Variants in SLC14A2 observed in about 807,000 individuals in gnomAD.
The protein encoded by SLC14A2 is urea transporter 2.
A neutral mutation model predicts 104.6 loss-of-function variants in SLC14A2; 91 were observed. The ratio of observed to expected loss-of-function variants is 0.87; its 90% confidence interval spans 0.73 to 1.04. SLC14A2 has a LOEUF of 1.04. SLC14A2 is among the 50% of genes least tolerant of loss of function. The pLI is 0.00. For synonymous variants in SLC14A2, 476 were observed against 466.4 expected (o/e 1.02, Z -0.27); for missense variants, 1,189 against 1,156.0 (o/e 1.03, Z -0.41).
intron 1 of SLC14A2, among the ~76,000 whole-genome samples, chr18:45,458,012 A>G (rs1356241975): frequency 7.9e-4 from 121 of 152,266 alleles, no homozygotes; most frequent in Non-Finnish European, 1.5e-5. Context: ...TCGTAGGAGA[A>G]TGGTGTTGGA....
intron 1 of SLC14A2, among the ~76,000 whole-genome samples, chr18:45,213,378 T>G (rs1283677610): frequency 6.6e-6 from 1 of 152,188 alleles, no homozygotes; most frequent in African/African-American, 2.4e-5. Flanking sequence ...ACCAGTCAAT[T>G]GTTTCAAAGA....
Position 45,669,498 on chromosome 18 carries a change from G to A in SLC14A2, c.2229G>A (p.Leu743=). Residue 743 remains leucine, a splice_region_variant and synonymous_variant, in exon 16 of 20, where the codon TTG becomes TTA. Transcript: ENST00000255226. Reference sequence around the variant, plus strand: ...CCTGGTCAGAGGTCCAAGTGCCCTTGGTACGTATCATGGAAGGAGGAAGGG... The same window carrying A: ...CCTGGTCAGAGGTCCAAGTGCCCTTAGTACGTATCATGGAAGGAGGAAGGG... ...NITWSEVQVP[L]LLRAIPVGIG... is the part of the protein sequence containing the mutation. 2 of 1,612,068 alleles carry A rather than the reference G, an allele frequency of 1.2e-6. No individual in the cohort carries two copies. The highest frequency in any genetic ancestry group is 3.3e-4 in the Middle Eastern group (2 of 6,048).
intron 1 of SLC14A2, among the ~76,000 whole-genome samples, chr18:45,352,242 G>C (rs1448476236): frequency 1.3e-5 from 2 of 152,090 alleles, no homozygotes; most frequent in South Asian, 2.1e-4. Context: ...TTTTCAGAGA[G>C]ACCATGGAGA....
chr18:45,446,615 C>G (rs1283522429), intron 1 of SLC14A2, among the ~76,000 whole-genome samples: 1 of 152,214 alleles, frequency 6.6e-6, no homozygotes, highest in African/African-American at 2.4e-5. Context: ...TCTATCAATA[C>G]TATTTGGAGT....
intron 1 of SLC14A2, among the ~76,000 whole-genome samples, chr18:45,291,638 C>T: frequency 6.6e-6 from 1 of 152,148 alleles, no homozygotes; most frequent in South Asian, 2.1e-4. Flanking sequence ...AGTCACTCTT[C>T]AGGAGAAGAA....
chr18:45,618,021 T>C (rs1001763753), intron 1 of SLC14A2, among the ~76,000 whole-genome samples: 5 of 152,232 alleles, frequency 3.3e-5, no homozygotes, highest in East Asian at 1.9e-4. Flanking sequence ...GCAGGTATAA[T>C]GGACAGAACT....
At chr18:45,586,324 G>A (rs1340738228) in intron 2 of SLC14A2, among the ~76,000 whole-genome samples, 1 of 152,180 alleles carries the variant, frequency 6.6e-6, no homozygotes, top group Non-Finnish European at 1.5e-5. Context: ...CTTGTCCAAG[G>A]AGCCTCAGAT....
intron 1 of SLC14A2, among the ~76,000 whole-genome samples, chr18:45,374,755 A>G (rs897155993): frequency 2.6e-5 from 4 of 152,192 alleles, no homozygotes; most frequent in Non-Finnish European, 5.9e-5. Flanking sequence ...TCTACCTCCC[A>G]TCCTTCAGAG....
At chr18:45,537,531 G>A (rs1009711211) in intron 2 of SLC14A2, among the ~76,000 whole-genome samples, 6 of 152,230 alleles carry the variant, frequency 3.9e-5, no homozygotes, top group African/African-American at 7.2e-5. Flanking sequence ...TGGGAAGTGA[G>A]CAAGTGGGGA....
At chr18:45,489,788 G>A (rs2087686020) in intron 2 of SLC14A2, 1 of 152,168 alleles carries the variant, frequency 6.6e-6, no homozygotes, top group East Asian at 1.9e-4. Flanking sequence ...AAAACTGGGG[G>A]AGAAATAATC....
the SLC14A2 span, among the ~76,000 whole-genome samples, chr18:45,176,178 G>A: frequency 6.6e-6 from 1 of 152,122 alleles, no homozygotes; most frequent in Admixed American, 6.6e-5. Flanking sequence ...TAATCACTAA[G>A]GTTCCTAAGC....
intron 10 of SLC14A2, among the ~76,000 whole-genome samples, chr18:45,655,131 C>T (rs1156864912): frequency 6.6e-6 from 1 of 152,222 alleles, no homozygotes; most frequent in East Asian, 1.9e-4. Context: ...CTCCTAACAA[C>T]CTGTCTCCTC....
chr18:45,344,748 G>C (rs1259052505), intron 1 of SLC14A2, among the ~76,000 whole-genome samples: 3 of 152,206 alleles, frequency 2.0e-5, no homozygotes, highest in African/African-American at 7.2e-5. Flanking sequence ...TAATAGGAAA[G>C]TGGTGTGCGT....
chr18:45,230,190 G>A (rs1015163442), intron 1 of SLC14A2, among the ~76,000 whole-genome samples: 3 of 152,032 alleles, frequency 2.0e-5, no homozygotes, highest in Non-Finnish European at 4.4e-5. Context: ...TTGTTACTTC[G>A]TGAGGTCTGT....
At chr18:45,297,716 C>A (rs1376278283) in intron 1 of SLC14A2, among the ~76,000 whole-genome samples, 2 of 152,124 alleles carry the variant, frequency 1.3e-5, no homozygotes, top group South Asian at 4.1e-4. Context: ...AATTGTTAAA[C>A]ATGTTAGAGT....
chr18:45,541,748 G>A (rs1399295366), intron 2 of SLC14A2, among the ~76,000 whole-genome samples: 3 of 152,198 alleles, frequency 2.0e-5, no homozygotes, highest in Admixed American at 1.3e-4. Flanking sequence ...ATAATTGGTA[G>A]GAGATACAGA....
the SLC14A2 span, among the ~76,000 whole-genome samples, chr18:45,182,158 T>C: frequency 2.1e-3 from 318 of 152,076 alleles, 1 homozygote; most frequent in African/African-American, 7.0e-3. Flanking sequence ...TAAAATAGTA[T>C]GTATAAAATA....
rs201141819 is a variant in SLC14A2, at chr18:45,426,449, CTGTT to C, written c.-124-56774_-124-56771del. ...TTTACATTAACTAGTCATATGGTAC[CTGTT>C]TGTTTGTTTATTTAAAAAGTGATGT... On this transcript the variant is annotated intron_variant, in intron 1 of 20. Coordinates refer to the SLC14A2 transcript ENST00000586448. Among the ~76,000 whole-genome samples the C allele has an allele frequency of 8.7e-3, 1,311 of 151,482 alleles. 17 individuals are homozygous for C. The highest frequency in any genetic ancestry group is 0.071 in the South Asian group (338 of 4,758).
intron 2 of SLC14A2, among the ~76,000 whole-genome samples, chr18:45,512,082 A>G (rs1473133873): frequency 6.6e-6 from 1 of 152,196 alleles, no homozygotes; most frequent in African/African-American, 2.4e-5. Context: ...TCCAAGCCCA[A>G]ATTGGAATAA....
Sources: gnomAD v4.1 joint callset for allele counts (sites outside exome capture counted in the v4.1 genomes callset) on GRCh38, gnomAD v4.1.1 for gene constraint, MANE v1.5 for transcripts, NCBI Gene and HGNC (gene_info 2026-07-23, HGNC 2026-07-21) for gene names.